Variants in ZNF343 observed in about 807,000 individuals in gnomAD.
ZNF343 encodes the protein zinc finger protein 343.
ZNF343 carries 11 observed loss-of-function variants against 13.8 expected under a neutral mutation model. The ratio of observed to expected loss-of-function variants is 0.80; its 90% CI spans 0.50 to 1.32. The LOEUF is 1.32. Ranked by LOEUF, ZNF343 falls within the 40% of genes most tolerant of loss-of-function variation. The probability of loss-of-function intolerance (pLI) is 0.00; values close to 1 mark genes in which losing one functional copy is unlikely to be tolerated. For missense variants in ZNF343, 658 were observed against 714.2 expected, an observed-to-expected ratio of 0.92 and a Z score of 0.90; for synonymous variants, 248 against 260.0, an observed-to-expected ratio of 0.95 and a Z score of 0.44.
At chr20:2,501,093 T>C (rs913855650) in intron 1 of ZNF343, among the ~76,000 whole-genome samples, 8 of 151,920 alleles carry the variant, frequency 5.3e-5, no homozygotes, top group Non-Finnish European at 1.2e-4. Context: ...ACCTGGAAAA[T>C]TGGGTCACTC....
upstream of ZNF343, among the ~76,000 whole-genome samples, chr20:2,510,526 C>T (rs1364116683): frequency 1.3e-5 from 2 of 152,240 alleles, no homozygotes; most frequent in Non-Finnish European, 2.9e-5. Flanking sequence ...TCTCTGTTCT[C>T]CAGTACTCAG....
chr20:2,498,614 T>C (rs2085501872), intron 2 of ZNF343, among the ~76,000 whole-genome samples: 1 of 152,102 alleles, frequency 6.6e-6, no homozygotes, highest in Admixed American at 6.5e-5. Flanking sequence ...CAGATATTCA[T>C]CAGATATCAA....
intron 1 of ZNF343, among the ~76,000 whole-genome samples, chr20:2,517,846 G>C (rs1396884591): frequency 6.6e-6 from 1 of 151,856 alleles, no homozygotes; most frequent in East Asian, 1.9e-4. Flanking sequence ...TGACATGAAA[G>C]TAAGCTTTAA....
intron 5 of ZNF343, among the ~76,000 whole-genome samples, chr20:2,487,504 C>T (rs1465296170): frequency 6.6e-6 from 1 of 152,222 alleles, no homozygotes; most frequent in Non-Finnish European, 1.5e-5. Flanking sequence ...CAAGAATTTA[C>T]TCCCTATCAG....
chr20:2,515,338 A>G, intron 1 of ZNF343, among the ~76,000 whole-genome samples: 1 of 152,242 alleles, frequency 6.6e-6, no homozygotes, highest in East Asian at 1.9e-4. Context: ...TACCACATTA[A>G]GAATCCCATA....
chr20:2,501,113 T>A (rs2085556994), intron 1 of ZNF343, among the ~76,000 whole-genome samples: 1 of 152,138 alleles, frequency 6.6e-6, no homozygotes, highest in Admixed American at 6.5e-5. Context: ...CCCACCCTAA[T>A]ACTGCGCTTT....
At chr20:2,494,823 C>G (rs1175128254) in intron 2 of ZNF343, among the ~76,000 whole-genome samples, 1 of 151,700 alleles carries the variant, frequency 6.6e-6, no homozygotes, top group African/African-American at 2.4e-5. Context: ...TTTAGGAGAT[C>G]AAAACTCAGT....
At chr20:2,491,887 C>A (rs2085370897) in intron 5 of ZNF343, 1 of 152,002 alleles carries the variant, frequency 6.6e-6, no homozygotes, top group Admixed American at 6.6e-5. Context: ...CTGAGTTTCA[C>A]TCTGTCACCA....
chr20:2,514,758 G>C (rs899831189), intron 1 of ZNF343, among the ~76,000 whole-genome samples: 1 of 152,162 alleles, frequency 6.6e-6, no homozygotes, highest in Non-Finnish European at 1.5e-5. Flanking sequence ...AAGGCAGGCA[G>C]ATCACTTGAA....
At chr20:2,517,554 T>TG (rs1164426385) in intron 1 of ZNF343, among the ~76,000 whole-genome samples, 1 of 151,546 alleles carries the variant, frequency 6.6e-6, no homozygotes, top group Admixed American at 6.6e-5. Context: ...CAGGCTAGAG[T>TG]GCAGTGGCAT....
chr20:2,514,479 A>G (rs984651328), intron 1 of ZNF343, among the ~76,000 whole-genome samples: 1 of 152,258 alleles, frequency 6.6e-6, no homozygotes, highest in Non-Finnish European at 1.5e-5. Context: ...ATTGGGAGTT[A>G]TAAGCAATTA....
Position 2,492,693 on chromosome 20 carries a change from C to T in ZNF343, c.304+6G>A. ...TAATGAAGGAAAGGAAAGAACACAG[C>T]CTTACCCAATGAGAGAAGATTCCTG... is the stretch of plus-strand genomic sequence containing the variant. On this transcript the variant is annotated splice_donor_region_variant and intron_variant, in intron 5 of 5. Transcript: ENST00000278772. 6.2e-7 allele frequency: 1 copy of T among 1,610,714 alleles called. No homozygotes were observed. The highest frequency in any genetic ancestry group is 1.3e-5 in the African/African-American group (1 of 74,792).
At chr20:2,514,346 T>G (rs1204613606) in intron 1 of ZNF343, among the ~76,000 whole-genome samples, 1 of 152,190 alleles carries the variant, frequency 6.6e-6, no homozygotes, top group Non-Finnish European at 1.5e-5. Context: ...AAGACCAAAT[T>G]AAATGTAGCT....
upstream of ZNF343, among the ~76,000 whole-genome samples, chr20:2,509,373 C>G (rs2085722634): frequency 6.6e-6 from 1 of 152,194 alleles, no homozygotes; most frequent in African/African-American, 2.4e-5. Flanking sequence ...GACACACAGG[C>G]AGGGCAAAGC....
At chr20:2,514,237 A>G (rs2085750003) in intron 1 of ZNF343, among the ~76,000 whole-genome samples, 1 of 152,232 alleles carries the variant, frequency 6.6e-6, no homozygotes, top group Non-Finnish European at 1.5e-5. Flanking sequence ...TAAATGTGAA[A>G]TTTCTTCTAT....
At position 2,493,768 on chromosome 20, in the gene ZNF343, C is replaced by T. The variant is rs763892383; in HGVS notation, c.118+10G>A. 2.0e-5 allele frequency: 32 copies of T among 1,607,946 alleles called. No homozygotes were observed. Among genetic ancestry groups the T allele is most frequent in the Non-Finnish European group, 2.6e-5 (30 of 1,174,504 alleles). ...CTCTTCATCCCTCCGGCTCCCTCAACAATTCTCACCTTTCGCTTTATGATT... is the reference window on the plus strand; with the variant it reads ...CTCTTCATCCCTCCGGCTCCCTCAATAATTCTCACCTTTCGCTTTATGATT... On this transcript the variant is annotated intron_variant, in intron 3 of 5. Coordinates refer to ENST00000278772, the MANE Select transcript of ZNF343 (RefSeq NM_024325.6).
At chr20:2,495,252 T>C (rs1239522102) in intron 2 of ZNF343, among the ~76,000 whole-genome samples, 1 of 152,234 alleles carries the variant, frequency 6.6e-6, no homozygotes, top group South Asian at 2.1e-4. Context: ...GTGAAGCTTC[T>C]TGTAAGATGA....
Position 2,493,810 on chromosome 20 carries a change from A to G in ZNF343, c.86T>C (p.Met29Thr). The G allele has an allele frequency of 6.2e-7, 1 of 1,613,774 alleles. No individual in the cohort carries two copies. The highest frequency in any genetic ancestry group is 2.2e-5 in the East Asian group (1 of 44,862). ...LPKNGENVET[M>T]KKLTQNHKAK... The stretch of plus-strand genomic sequence containing the variant: ...TTTATGATTTTGGGTCAATTTCTTC[A>G]TAGTCTCTACATTTTCCCCATTCTT... The change falls in exon 3 of 6, where the codon ATG (methionine) becomes ACG (threonine). Residue 29 changes from methionine to threonine, a missense_variant. Met to Thr is a moderately conservative substitution (Grantham distance 81). Transcript: ENST00000278772.
At chr20:2,512,680 C>G (rs927286496), upstream of ZNF343, among the ~76,000 whole-genome samples, 31 of 152,092 alleles carry the variant, frequency 2.0e-4, no homozygotes, top group Admixed American at 6.5e-4. Flanking sequence ...CTATAAAGAT[C>G]TAAATATAAA....
Sources: allele counts gnomAD v4.1 joint callset (sites outside exome capture counted in the v4.1 genomes callset), GRCh38; gene constraint gnomAD v4.1.1; transcripts MANE v1.5; gene names NCBI Gene and HGNC (gene_info 2026-07-23, HGNC 2026-07-21).